Variants in BLTP3B observed in about 807,000 individuals in gnomAD.
BLTP3B encodes bridge-like lipid transfer protein family member 3B.
the BLTP3B span, among the ~76,000 whole-genome samples, chr12:100,098,892 G>C: frequency 4.7e-5 from 7 of 150,052 alleles, no homozygotes; most frequent in African/African-American, 1.8e-4. Flanking sequence ...CTGGGTGACA[G>C]AGCAAGACTC....
the BLTP3B span, among the ~76,000 whole-genome samples, chr12:100,047,157 G>T: frequency 2.0e-5 from 3 of 152,152 alleles, no homozygotes; most frequent in African/African-American, 7.2e-5. Flanking sequence ...GAAACAATCA[G>T]TAGGTAAACA....
the BLTP3B span, among the ~76,000 whole-genome samples, chr12:100,055,570 G>A: frequency 2.2e-4 from 34 of 151,452 alleles, no homozygotes; most frequent in Admixed American, 5.3e-4. Flanking sequence ...CCAGCTACTC[G>A]GGAGGCTGAG....
the BLTP3B span, among the ~76,000 whole-genome samples, chr12:100,141,422 T>C: frequency 3.5e-5 from 5 of 142,554 alleles, no homozygotes; most frequent in Admixed American, 2.1e-4. Flanking sequence ...TGTATATGTA[T>C]ATATGTACAT....
the BLTP3B span, among the ~76,000 whole-genome samples, chr12:100,127,521 A>G: frequency 2.6e-5 from 4 of 152,364 alleles, no homozygotes; most frequent in Middle Eastern, 3.4e-3. Flanking sequence ...CAAAGTATTT[A>G]TGTGGATAAA....
At chr12:100,081,481 A>G in the BLTP3B span, among the ~76,000 whole-genome samples, 1 of 152,122 alleles carries the variant, frequency 6.6e-6, no homozygotes, top group East Asian at 1.9e-4. Flanking sequence ...ACTGCGTGTC[A>G]CTGGGGTTTG....
the BLTP3B span, among the ~76,000 whole-genome samples, chr12:100,081,536 T>C: frequency 6.6e-6 from 1 of 152,194 alleles, no homozygotes; most frequent in East Asian, 1.9e-4. Flanking sequence ...ATAGTACCCG[T>C]TAAGTAGTTT....
At chr12:100,130,042 T>G in the BLTP3B span, among the ~76,000 whole-genome samples, 1 of 152,218 alleles carries the variant, frequency 6.6e-6, no homozygotes, top group Non-Finnish European at 1.5e-5. Context: ...CACTGAAGCC[T>G]CCACTTCCTG....
the BLTP3B span, chr12:100,086,372 A>AT: frequency 2.3e-6 from 1 of 439,236 alleles, no homozygotes; most frequent in South Asian, 2.1e-5. Context: ...GGAAAAAAAA[A>AT]GGGGGGGGGG....
the BLTP3B span, among the ~76,000 whole-genome samples, chr12:100,074,664 AAAC>A: frequency 6.6e-6 from 1 of 152,020 alleles, no homozygotes. Context: ...ATCAAACTAC[AAAC>A]ATCATTTTGC....
the BLTP3B span, among the ~76,000 whole-genome samples, chr12:100,124,006 G>A: frequency 1.3e-5 from 2 of 152,086 alleles, no homozygotes; most frequent in African/African-American, 2.4e-5. Context: ...GCTCATGCCT[G>A]TACCCACAAC....
At chr12:100,082,958 T>C in the BLTP3B span, 1 of 1,219,216 alleles carries the variant, frequency 8.2e-7, no homozygotes, top group Non-Finnish European at 1.2e-6. Flanking sequence ...TTATTTAAGT[T>C]GCTTAGATGA....
At chr12:100,140,718 AAAAAAAAAAAAAT>A in the BLTP3B span, among the ~76,000 whole-genome samples, 35 of 122,772 alleles carry the variant, frequency 2.9e-4, no homozygotes, top group Middle Eastern at 4.2e-3. Context: ...AAAAAAAAAA[AAAAAAAAAAAAAT>A]ATATATATAT....
At chr12:100,063,206 G>A in the BLTP3B span, among the ~76,000 whole-genome samples, 5 of 152,230 alleles carry the variant, frequency 3.3e-5, no homozygotes, top group East Asian at 9.7e-4. Context: ...TCTGAAAGAA[G>A]CAGATTGCTC....
the BLTP3B span, among the ~76,000 whole-genome samples, chr12:100,139,069 G>C: frequency 2.0e-5 from 3 of 152,056 alleles, no homozygotes; most frequent in Non-Finnish European, 4.4e-5. Context: ...AGCTTTTCCT[G>C]TTTCACTCTG....
the BLTP3B span, among the ~76,000 whole-genome samples, chr12:100,107,161 G>A: frequency 1.3e-5 from 2 of 151,148 alleles, no homozygotes; most frequent in South Asian, 2.1e-4. Context: ...GGTGGCATGC[G>A]CCTATAATTC....
At chr12:100,038,365 C>T in the BLTP3B span, among the ~76,000 whole-genome samples, 1 of 151,930 alleles carries the variant, frequency 6.6e-6, no homozygotes, top group Non-Finnish European at 1.5e-5. Flanking sequence ...GATGGAATTT[C>T]GCTCTTGTTG....
chr12:100,106,914 A>AT, the BLTP3B span, among the ~76,000 whole-genome samples: 2 of 152,184 alleles, frequency 1.3e-5, no homozygotes, highest in Non-Finnish European at 2.9e-5. Context: ...AGCATGCAGT[A>AT]TTTCAACTAA....
chr12:100,127,619 A>G, the BLTP3B span, among the ~76,000 whole-genome samples: 1 of 152,238 alleles, frequency 6.6e-6, no homozygotes, highest in Non-Finnish European at 1.5e-5. Context: ...ACCATTTCCA[A>G]TAACCTGGTT....
the BLTP3B span, chr12:100,048,281 CTA>C: frequency 7.2e-7 from 1 of 1,386,146 alleles, no homozygotes; most frequent in Admixed American, 2.6e-5. Context: ...TAAAATAATA[CTA>C]GTTTTACTAT....
Sources: gnomAD v4.1 joint callset for allele counts (sites outside exome capture counted in the v4.1 genomes callset) on GRCh38, gnomAD v4.1.1 for gene constraint, MANE v1.5 for transcripts, NCBI Gene and HGNC (gene_info 2026-07-23, HGNC 2026-07-21) for gene names.